KCNIP4: variants seen among roughly 807,000 people sequenced by gnomAD.
KCNIP4 encodes Kv channel-interacting protein 4.
In KCNIP4, 12 loss-of-function variants were observed where a neutral mutation model predicts 34.0. That is an observed-to-expected ratio of 0.35 (90% CI 0.23 to 0.57). The LOEUF (loss-of-function observed/expected upper bound fraction) is 0.57. Ranked by LOEUF, KCNIP4 falls within the 20% of genes least tolerant of loss-of-function variation. The pLI, the probability that KCNIP4 is intolerant of heterozygous loss-of-function variation, is 0.83. For missense variants in KCNIP4, 238 were observed against 311.7 expected (o/e 0.76, Z 1.78); for synonymous variants, 124 against 102.2 (o/e 1.21, Z -1.29).
chr4:21,570,105 C>T (rs146930312), intron 1 of KCNIP4, among the ~76,000 whole-genome samples: 161 of 152,260 alleles, frequency 1.1e-3, no homozygotes, highest in Admixed American at 3.0e-3. Context: ...AATCCTTCTT[C>T]CAACTTCCAC....
rs183310922 is a variant in KCNIP4, at chr4:21,075,777, C to T, written c.62-193068G>A. 3.6e-3 allele frequency among the ~76,000 whole-genome samples: 548 copies of T among 152,302 alleles called. 6 individuals are homozygous for T. Among genetic ancestry groups the T allele is most frequent in the African/African-American group, 0.012 (512 of 41,578 alleles). Reference sequence around the variant, plus strand: ...TGGCATGTTTTTGCAGTGGCTGGTACAAGTTGTTCCTTTCCATGTTCAGTG... The same window carrying T: ...TGGCATGTTTTTGCAGTGGCTGGTATAAGTTGTTCCTTTCCATGTTCAGTG... On this transcript the variant is annotated intron_variant, in intron 1 of 8. Coordinates refer to ENST00000382152, the MANE Select transcript of KCNIP4 (RefSeq NM_025221.6).
rs144758318 is a variant in KCNIP4, at chr4:21,348,746, T to C, written c.62-466037A>G. On this transcript the variant is annotated intron_variant, in intron 1 of 8. Coordinates refer to ENST00000382152, the MANE Select transcript of KCNIP4 (RefSeq NM_025221.6). Reference sequence around the variant, plus strand: ...CTTATTCATTACACATTTATTGAGTTAAAAAATAAACACAAAGCAACAATC... The same window carrying C: ...CTTATTCATTACACATTTATTGAGTCAAAAAATAAACACAAAGCAACAATC... Among the ~76,000 whole-genome samples, 532 of 152,302 alleles carry C rather than the reference T, an allele frequency of 3.5e-3. 5 individuals carry two copies. The highest frequency in any genetic ancestry group is 0.012 in the African/African-American group (513 of 41,564).
intron 2 of KCNIP4, among the ~76,000 whole-genome samples, chr4:20,869,282 A>G (rs1244190427): frequency 5.9e-5 from 9 of 152,102 alleles, no homozygotes. Flanking sequence ...GGGTTTTGTT[A>G]TGTTCCTTCT....
At chr4:20,947,503 C>A (rs532299205) in intron 1 of KCNIP4, among the ~76,000 whole-genome samples, 2 of 152,174 alleles carry the variant, frequency 1.3e-5, no homozygotes, top group African/African-American at 4.8e-5. Flanking sequence ...ACCAATCACT[C>A]GTTCTCAGCT....
rs1338356323 is a variant in KCNIP4 at position 21,107,223 on chromosome 4, G to A, written c.62-224514C>T. On this transcript the variant is annotated intron_variant, in intron 1 of 8. Coordinates refer to ENST00000382152, the MANE Select transcript of KCNIP4 (RefSeq NM_025221.6). ...TGTTAAAGTCTCCCATTTTTATTGTGTGGGAGTCTAAGTCTCTTTGTAGGT... is the reference window on the plus strand; with the variant it reads ...TGTTAAAGTCTCCCATTTTTATTGTATGGGAGTCTAAGTCTCTTTGTAGGT... 2.4e-4 allele frequency among the ~76,000 whole-genome samples: 35 copies of A among 147,098 alleles called. 1 individual carries two copies. The highest frequency in any genetic ancestry group is 3.9e-4 in the Non-Finnish European group (26 of 67,442).
At chr4:20,972,145 T>A (rs1425032888) in intron 1 of KCNIP4, among the ~76,000 whole-genome samples, 2 of 152,226 alleles carry the variant, frequency 1.3e-5, no homozygotes, top group Non-Finnish European at 2.9e-5. Context: ...TCTAATGAAT[T>A]ATTGAACCCC....
intron 1 of KCNIP4, among the ~76,000 whole-genome samples, chr4:21,267,500 C>T (rs1284451910): frequency 6.6e-6 from 1 of 151,234 alleles, no homozygotes; most frequent in Admixed American, 6.6e-5. Flanking sequence ...ATAAATAGCT[C>T]TTATTATTTT....
chr4:21,205,822 G>A (rs1267956237), intron 1 of KCNIP4, among the ~76,000 whole-genome samples: 2 of 152,140 alleles, frequency 1.3e-5, no homozygotes, highest in African/African-American at 4.8e-5. Flanking sequence ...ACCACTCTGA[G>A]GGCAGCTTCT....
chr4:21,000,777 C>T (rs78531225), intron 1 of KCNIP4, among the ~76,000 whole-genome samples: 10,991 of 152,184 alleles, frequency 0.072, 484 homozygotes, highest in Middle Eastern at 0.14. Flanking sequence ...CTACACACCC[C>T]TTACTCACTC....
chr4:20,780,463 GA>G (rs1756776389), intron 3 of KCNIP4, among the ~76,000 whole-genome samples: 1 of 152,182 alleles, frequency 6.6e-6, no homozygotes. Context: ...AGTCTGGAAT[GA>G]GTATGATACA....
chr4:21,767,425 C>A (rs1437861757), intron 1 of KCNIP4, among the ~76,000 whole-genome samples: 1 of 151,696 alleles, frequency 6.6e-6, no homozygotes, highest in Non-Finnish European at 1.5e-5. Context: ...AGAGAGAAAT[C>A]AAGGAGATGG....
intron 1 of KCNIP4, among the ~76,000 whole-genome samples, chr4:20,930,065 C>A (rs1225756594): frequency 1.3e-5 from 2 of 151,784 alleles, no homozygotes; most frequent in Admixed American, 6.6e-5. Flanking sequence ...ACAGAATAGG[C>A]AAAGGAACAA....
Position 20,979,077 on chromosome 4 carries a change from G to A in KCNIP4, c.62-96368C>T, listed in dbSNP as rs79509750. ...ATAATCGAGGACCTTGTAAGATAGC[G>A]GATTAATCTATCCAAAGTTTTAAGT... On this transcript the variant is annotated intron_variant, in intron 1 of 8. Coordinates refer to ENST00000382152, the MANE Select transcript of KCNIP4 (RefSeq NM_025221.6). Among the ~76,000 whole-genome samples, 916 of 152,136 alleles carry A rather than the reference G, an allele frequency of 6.0e-3. 17 individuals are homozygous for A. The highest frequency in any genetic ancestry group is 0.035 in the East Asian group (183 of 5,176).
intron 1 of KCNIP4, among the ~76,000 whole-genome samples, chr4:21,753,631 T>C (rs571223179): frequency 6.6e-6 from 1 of 152,292 alleles, no homozygotes; most frequent in Middle Eastern, 3.4e-3. Flanking sequence ...GCAGGTTAAA[T>C]GTCCTGTTGT....
At chr4:21,394,321 G>A (rs974652648) in intron 1 of KCNIP4, among the ~76,000 whole-genome samples, 1 of 151,896 alleles carries the variant, frequency 6.6e-6, no homozygotes, top group East Asian at 1.9e-4. Context: ...TCACTTCTTC[G>A]GGGGACAGTC....
At chr4:20,843,207 C>G (rs1719959030) in intron 3 of KCNIP4, among the ~76,000 whole-genome samples, 1 of 152,086 alleles carries the variant, frequency 6.6e-6, no homozygotes, top group Non-Finnish European at 1.5e-5. Context: ...CATGCCCAGC[C>G]TGGATTTCTA....
In KCNIP4 at chr4:21,370,619, A is replaced by T. The variant is rs1186719141; in HGVS notation, c.62-487910T>A. Among the ~76,000 whole-genome samples, 4 of 141,856 alleles carry T rather than the reference A, an allele frequency of 2.8e-5. 1 individual carries two copies. The highest frequency in any genetic ancestry group is 9.1e-5 in the African/African-American group (3 of 33,102). The allele number at this position is 141,856 out of a possible 152,430, so 93.1% of individuals were successfully genotyped here. A position where few individuals can be genotyped will look rare whatever the true frequency, so the allele number is the denominator to read the frequency against. On this transcript the variant is annotated intron_variant, in intron 1 of 8. Transcript: ENST00000382152. ...GGAGATTTTCTGGTTTTAAATGGAT[A>T]GTCAGGGAAGGCTTAGCCAAGAAGA...
chr4:20,988,151 G>C (rs554920239), intron 1 of KCNIP4, among the ~76,000 whole-genome samples: 1 of 152,148 alleles, frequency 6.6e-6, no homozygotes, highest in East Asian at 1.9e-4. Flanking sequence ...GTAGAACTGG[G>C]ATTTGAATGT....
chr4:21,244,786 C>A, intron 1 of KCNIP4, among the ~76,000 whole-genome samples: 1 of 152,278 alleles, frequency 6.6e-6, no homozygotes, highest in East Asian at 1.9e-4. Flanking sequence ...AGACACTTCT[C>A]TAAGACCTGA....
Sources: gnomAD v4.1 joint callset for allele counts (sites outside exome capture counted in the v4.1 genomes callset) on GRCh38, gnomAD v4.1.1 for gene constraint, MANE v1.5 for transcripts, NCBI Gene and HGNC (gene_info 2026-07-23, HGNC 2026-07-21) for gene names.